RBFOX1: variants seen among roughly 807,000 people sequenced by gnomAD.
RBFOX1 encodes RNA binding protein fox-1 homolog 1.
Under a neutral mutation model 57.7 loss-of-function variants are expected in RBFOX1, and 8 were observed. That is an observed-to-expected ratio of 0.14 (90% CI 0.08 to 0.25). The LOEUF is 0.25. RBFOX1 is among the 10% of genes least tolerant of loss of function. The pLI, the probability that RBFOX1 is intolerant of heterozygous loss-of-function variation, is 1.00. For missense variants in RBFOX1, 611 were observed against 548.5 expected, an observed-to-expected ratio of 1.11 and a Z score of -1.14; for synonymous variants, 326 against 222.4, an observed-to-expected ratio of 1.47 and a Z score of -4.15.
At chr16:7,524,259 G>C (rs1424958451) in intron 5 of RBFOX1, among the ~76,000 whole-genome samples, 1 of 152,272 alleles carries the variant, frequency 6.6e-6, no homozygotes, top group East Asian at 1.9e-4. Context: ...ATCTGTAAAA[G>C]GGAAGGAGGA....
At chr16:5,659,297 G>C (rs1041867690) in intron 3 of RBFOX1, among the ~76,000 whole-genome samples, 2 of 148,102 alleles carry the variant, frequency 1.4e-5, no homozygotes, top group African/African-American at 5.0e-5. Flanking sequence ...TTGGCCATTG[G>C]TATATCTTTT....
At chr16:6,821,438 A>C (rs571301404) in intron 3 of RBFOX1, among the ~76,000 whole-genome samples, 1 of 152,354 alleles carries the variant, frequency 6.6e-6, no homozygotes, top group Admixed American at 6.5e-5. Context: ...TTAAGTGAAC[A>C]ATTCAGTGGC....
intron 3 of RBFOX1, among the ~76,000 whole-genome samples, chr16:5,720,532 G>A (rs1451135250): frequency 6.6e-6 from 1 of 152,138 alleles, no homozygotes; most frequent in Non-Finnish European, 1.5e-5. Context: ...TTGTAAAGCT[G>A]TATTCCTATG....
chr16:5,420,512 G>GT (rs892873413), intron 1 of RBFOX1, among the ~76,000 whole-genome samples: 1 of 151,784 alleles, frequency 6.6e-6, no homozygotes, highest in Non-Finnish European at 1.5e-5. Flanking sequence ...TTTGTTGTTT[G>GT]TTTTTTGTTT....
intron 2 of RBFOX1, among the ~76,000 whole-genome samples, chr16:6,511,590 T>C (rs529192883): frequency 1.3e-5 from 2 of 152,312 alleles, no homozygotes; most frequent in South Asian, 2.1e-4. Flanking sequence ...TTGTGAATAG[T>C]CCTCATACAT....
chr16:5,944,988 AGAGAGAGAGAG>A (rs928775247), intron 4 of RBFOX1, among the ~76,000 whole-genome samples: 3 of 61,344 alleles, frequency 4.9e-5, no homozygotes, highest in Non-Finnish European at 9.8e-5. Context: ...AAAAAAAAAA[AGAGAGAGAGAG>A]AGAGAGAAAG....
At chr16:7,483,798 T>C (rs2064648775) in intron 4 of RBFOX1, among the ~76,000 whole-genome samples, 1 of 152,242 alleles carries the variant, frequency 6.6e-6, no homozygotes, top group Non-Finnish European at 1.5e-5. Flanking sequence ...TAAAATACTT[T>C]TCATCCTGGG....
intron 2 of RBFOX1, among the ~76,000 whole-genome samples, chr16:6,563,951 A>G (rs1415783978): frequency 6.6e-6 from 1 of 151,960 alleles, no homozygotes; most frequent in Non-Finnish European, 1.5e-5. Context: ...TGCCTGCCAC[A>G]GTGGGGATCA....
At chr16:7,518,448 A>G (rs751898271) in intron 5 of RBFOX1, 59 bp downstream of exon 5, 102 of 1,545,658 alleles carry the variant, frequency 6.6e-5, no homozygotes, top group Non-Finnish European at 8.2e-5. Context: ...CAGCCCTGGT[A>G]ATGGCAGCGG....
intron 4 of RBFOX1, among the ~76,000 whole-genome samples, chr16:7,115,467 G>A (rs1223674564): frequency 6.6e-6 from 1 of 152,180 alleles, no homozygotes; most frequent in Non-Finnish European, 1.5e-5. Flanking sequence ...CTGAGAGTCC[G>A]AAAGCATGTT....
intron 3 of RBFOX1, among the ~76,000 whole-genome samples, chr16:6,955,897 G>A (rs1012932541): frequency 6.6e-6 from 1 of 151,978 alleles, no homozygotes; most frequent in African/African-American, 2.4e-5. Context: ...GTAGAGATGG[G>A]GTTTCACCAT....
intron 1 of RBFOX1, among the ~76,000 whole-genome samples, chr16:6,216,887 C>G (rs1204477112): frequency 1.3e-5 from 2 of 150,782 alleles, no homozygotes; most frequent in South Asian, 4.2e-4. Context: ...TTTTTCCGCT[C>G]TCCCTTGGAA....
intron 4 of RBFOX1, among the ~76,000 whole-genome samples, chr16:7,355,264 G>C (rs541901089): frequency 6.6e-6 from 1 of 152,162 alleles, no homozygotes; most frequent in Non-Finnish European, 1.5e-5. Context: ...CCAGGCCTCA[G>C]CCAGCAACTC....
intron 4 of RBFOX1, among the ~76,000 whole-genome samples, chr16:7,225,537 A>C (rs1483600818): frequency 6.6e-6 from 1 of 151,856 alleles, no homozygotes; most frequent in Non-Finnish European, 1.5e-5. Flanking sequence ...ACCAGTCTCA[A>C]GTATGTCTTT....
Position 5,381,595 on chromosome 16 carries a change from C to A in RBFOX1, c.220-85621C>A, listed in dbSNP as rs186977884. Among the ~76,000 whole-genome samples the A allele has an allele frequency of 7.4e-3, 1,127 of 152,334 alleles. 7 individuals carry two copies. Among genetic ancestry groups the A allele is most frequent in the Admixed American group, 0.018 (270 of 15,304 alleles). On this transcript the variant is annotated intron_variant, in intron 1 of 2. Coordinates refer to the RBFOX1 transcript ENST00000585867. ...GCTGGGGCTCGAGCCTGCATCCCTT[C>A]CATGTGGGACCTTAGCTGTGCTAAC...
intron 14 of RBFOX1, among the ~76,000 whole-genome samples, chr16:7,700,453 C>A (rs2080300799): frequency 6.6e-6 from 1 of 152,134 alleles, no homozygotes; most frequent in Non-Finnish European, 1.5e-5. Flanking sequence ...TGAGGGATCC[C>A]CAGCTGCTGT....
At chr16:5,767,538 C>G (rs1270937992) in intron 3 of RBFOX1, among the ~76,000 whole-genome samples, 2 of 152,156 alleles carry the variant, frequency 1.3e-5, no homozygotes, top group Admixed American at 6.5e-5. Flanking sequence ...TGGAATAGAC[C>G]TGTCCCTACG....
At chr16:7,599,584 C>G (rs2094898641) in intron 9 of RBFOX1, among the ~76,000 whole-genome samples, 1 of 148,808 alleles carries the variant, frequency 6.7e-6, no homozygotes, top group Non-Finnish European at 1.5e-5. Context: ...CATCATTATC[C>G]CTATTTTAGA....
At chr16:6,070,884 T>A (rs7202456) in intron 1 of RBFOX1, among the ~76,000 whole-genome samples, 41,457 of 151,856 alleles carry the variant, frequency 0.27, 5,841 homozygotes, top group Non-Finnish European at 0.3. Flanking sequence ...GCCGTATAAT[T>A]TAATGTTTTT....
Sources: allele counts gnomAD v4.1 joint callset (sites outside exome capture counted in the v4.1 genomes callset), GRCh38; gene constraint gnomAD v4.1.1; transcripts MANE v1.5; gene names NCBI Gene and HGNC (gene_info 2026-07-23, HGNC 2026-07-21).